RCHY1: variants seen among roughly 807,000 people sequenced by gnomAD.
The protein encoded by RCHY1 is ring finger and CHY zinc finger domain containing 1.
A neutral mutation model predicts 41.6 loss-of-function variants in RCHY1; 21 were observed. That is an observed-to-expected ratio of 0.51 (90% CI 0.36 to 0.73). RCHY1 has a LOEUF of 0.73. Ranked by LOEUF, RCHY1 falls within the 30% of genes least tolerant of loss-of-function variation. The probability of loss-of-function intolerance (pLI) is 0.00; values close to 1 mark genes in which losing one functional copy is unlikely to be tolerated. For missense variants in RCHY1, 265 were observed against 325.3 expected (o/e 0.81, Z 1.43); for synonymous variants, 79 against 102.9 (o/e 0.77, Z 1.41).
chr4:75,505,079 G>A (rs1028827224), intron 3 of RCHY1, among the ~76,000 whole-genome samples: 2 of 152,156 alleles, frequency 1.3e-5, no homozygotes, highest in South Asian at 4.1e-4. Flanking sequence ...CGAGGTTGGG[G>A]GATGGTTTCG....
chr4:75,491,144 C>G (rs1484454333), intron 7 of RCHY1: 3 of 158,972 alleles, frequency 1.9e-5, no homozygotes, highest in African/African-American at 7.2e-5. Flanking sequence ...ATATGTAGGA[C>G]CAAAATACAG....
intron 8 of RCHY1, among the ~76,000 whole-genome samples, chr4:75,489,542 G>C (rs760125041): frequency 4.4e-4 from 67 of 152,320 alleles, no homozygotes; most frequent in Middle Eastern, 3.4e-3. Context: ...GGATTGCCTT[G>C]GTCAAAGATA....
At chr4:75,499,680 A>C (rs1723561342) in intron 3 of RCHY1, among the ~76,000 whole-genome samples, 1 of 152,234 alleles carries the variant, frequency 6.6e-6, no homozygotes, top group Non-Finnish European at 1.5e-5. Context: ...AGAAAGACAA[A>C]TATCACATGT....
At chr4:75,502,426 G>C (rs1274532102) in intron 3 of RCHY1, among the ~76,000 whole-genome samples, 1 of 151,908 alleles carries the variant, frequency 6.6e-6, no homozygotes, top group African/African-American at 2.4e-5. Flanking sequence ...TGTAGTCCCA[G>C]TTACTTGGGA....
intron 3 of RCHY1, among the ~76,000 whole-genome samples, chr4:75,506,783 A>C (rs958250501): frequency 6.6e-6 from 1 of 152,140 alleles, no homozygotes; most frequent in Admixed American, 6.5e-5. Context: ...CAAGCCACAG[A>C]TTCAACAAAT....
rs764951841 is a variant in RCHY1 at position 75,514,242 on chromosome 4, T to C, written c.45A>G (p.Arg15=). Residue 15 remains arginine (R), a synonymous_variant, in exon 1 of 9, where the codon CGA becomes CGG. Transcript: ENST00000324439. ...AREDGASGQE[R]GQRGCEHYDR... is the part of the protein sequence containing the mutation. ...CATAGTGCTCGCAGCCCCGCTGACC[T>C]CGCTCTTGACCGCTGGCGCCATCTT... is the stretch of plus-strand genomic sequence containing the variant. 6 of 1,613,082 alleles carry C rather than the reference T, an allele frequency of 3.7e-6. No homozygotes were observed. Among genetic ancestry groups the C allele is most frequent in the Non-Finnish European group, 5.1e-6 (6 of 1,179,156 alleles).
chr4:75,494,944 G>C (rs1394324973), intron 3 of RCHY1, among the ~76,000 whole-genome samples: 3 of 151,718 alleles, frequency 2.0e-5, no homozygotes, highest in Non-Finnish European at 4.4e-5. Flanking sequence ...GAACTACTTG[G>C]ATTTCTCTGT....
chr4:75,482,707 T>C (rs1480967737), intron 8 of RCHY1, 41 bp from the exon 9 acceptor site: 1 of 1,436,898 alleles, frequency 7.0e-7, no homozygotes, highest in Non-Finnish European at 9.6e-7. Flanking sequence ...TTAAACCTTA[T>C]AAATACAAGT....
chr4:75,488,525 A>G (rs114251303), intron 8 of RCHY1, among the ~76,000 whole-genome samples: 4,227 of 152,316 alleles, frequency 0.028, 83 homozygotes, highest in Non-Finnish European at 0.043. Flanking sequence ...CAACCCAAGC[A>G]GGATAAAAAT....
chr4:75,494,212 T>C (rs1722982597), intron 3 of RCHY1, 33 bp from the exon 4 acceptor site: 1 of 1,426,662 alleles, frequency 7.0e-7, no homozygotes, highest in Non-Finnish European at 9.7e-7. Flanking sequence ...AAAGATTAGA[T>C]TATTTTTTAC....
chr4:75,497,873 A>G (rs533887608), intron 3 of RCHY1, among the ~76,000 whole-genome samples: 13 of 152,116 alleles, frequency 8.5e-5, no homozygotes, highest in African/African-American at 3.1e-4. Context: ...AACCAGAGAC[A>G]AAGAAAAAAA....
intron 8 of RCHY1, among the ~76,000 whole-genome samples, chr4:75,485,065 T>A (rs1005724887): frequency 6.6e-6 from 1 of 152,238 alleles, no homozygotes; most frequent in Non-Finnish European, 1.5e-5. Context: ...TTAGTTACTA[T>A]ACTGCCCTGA....
chr4:75,504,938 T>A (rs1724150346), intron 3 of RCHY1, among the ~76,000 whole-genome samples: 1 of 152,192 alleles, frequency 6.6e-6, no homozygotes, highest in Non-Finnish European at 1.5e-5. Flanking sequence ...TTCAGGGTTA[T>A]CATAATACTG....
intron 3 of RCHY1, among the ~76,000 whole-genome samples, chr4:75,499,310 T>C (rs771712615): frequency 1.3e-5 from 2 of 152,200 alleles, no homozygotes; most frequent in Non-Finnish European, 2.9e-5. Context: ...AGTGGAACCC[T>C]TGTATACTAC....
intron 4 of RCHY1, 144 bp from the exon 5 acceptor site, chr4:75,492,077 GT>G: frequency 1.8e-6 from 1 of 551,512 alleles, no homozygotes. Flanking sequence ...TGTAAGAAGA[GT>G]TTTTTAATAG....
At chr4:75,491,571 C>T (rs1403445053) in intron 7 of RCHY1, 40 bp downstream of exon 7, 2 of 1,577,762 alleles carry the variant, frequency 1.3e-6, no homozygotes, top group Admixed American at 1.7e-5. Flanking sequence ...ACAAAAAAGT[C>T]AAACATCTTA....
chr4:75,486,546 A>C (rs1424157450), intron 8 of RCHY1, among the ~76,000 whole-genome samples: 1 of 152,116 alleles, frequency 6.6e-6, no homozygotes, highest in Non-Finnish European at 1.5e-5. Flanking sequence ...AAAACAGTTC[A>C]AAATTACTTC....
chr4:75,507,811 C>G (rs1380007941), intron 3 of RCHY1, among the ~76,000 whole-genome samples: 3 of 151,928 alleles, frequency 2.0e-5, no homozygotes, highest in Admixed American at 6.6e-5. Context: ...AAAGACATGG[C>G]CTTAAAACAT....
chr4:75,488,253 C>G (rs1387871714), intron 8 of RCHY1, among the ~76,000 whole-genome samples: 2 of 151,542 alleles, frequency 1.3e-5, no homozygotes, highest in African/African-American at 4.8e-5. Context: ...CAGAAATAAC[C>G]AAATTTCCTT....
Sources: allele counts gnomAD v4.1 joint callset (sites outside exome capture counted in the v4.1 genomes callset), GRCh38; gene constraint gnomAD v4.1.1; transcripts MANE v1.5; gene names NCBI Gene and HGNC (gene_info 2026-07-23, HGNC 2026-07-21).